ARID5A: variants seen among roughly 807,000 people sequenced by gnomAD.
ARID5A encodes AT-rich interaction domain 5A.
A neutral mutation model predicts 30.5 loss-of-function variants in ARID5A; 14 were observed. The ratio of observed to expected loss-of-function variants is 0.46; its 90% CI spans 0.30 to 0.72. The LOEUF is 0.72. ARID5A is among the 30% of genes least tolerant of loss of function. The probability of loss-of-function intolerance (pLI) is 0.07; values close to 1 mark genes in which losing one functional copy is unlikely to be tolerated. For synonymous variants in ARID5A, 338 were observed against 340.4 expected, an observed-to-expected ratio of 0.99 and a Z score of 0.08; for missense variants, 669 against 786.2, an observed-to-expected ratio of 0.85 and a Z score of 1.78.
At chr2:96,540,937 G>T (rs1048561463) in intron 1 of ARID5A, among the ~76,000 whole-genome samples, 2 of 151,988 alleles carry the variant, frequency 1.3e-5, no homozygotes, top group African/African-American at 4.8e-5. Context: ...TGGAGATGGG[G>T]TTTCACCATG....
In ARID5A at chr2:96,551,783, T is replaced by TC; in HGVS notation, c.1260dup (p.Met421HisfsTer18). 1 of 1,539,062 alleles carries TC rather than the reference T, an allele frequency of 6.5e-7. No individual in the cohort carries two copies. On this transcript the variant is annotated frameshift_variant, in exon 7 of 7. Coordinates refer to ENST00000357485, the MANE Select transcript of ARID5A (RefSeq NM_212481.3). LOFTEE classifies it low-confidence loss of function (END_TRUNC). The stretch of plus-strand genomic sequence containing the variant: ...CCCCAAGCCCAAAGCCTGCTGGGTG[T>TC]CCCCCATGGCCAAGGTCCCAGCCGA...
Position 96,552,068 on chromosome 2 carries a change from A to G in ARID5A, c.1540A>G (p.Thr514Ala). 6.3e-7 allele frequency: 1 copy of G among 1,580,764 alleles called. No individual in the cohort carries two copies. Among genetic ancestry groups the G allele is most frequent in the Non-Finnish European group, 8.6e-7 (1 of 1,163,190 alleles). ...GCACTGCCCGCTGAACTTCACTGGC[A>G]CCCCGGGCCCCTTGAAGGGCCAGGC... ...MLHCPLNFTG[T>A]PGPLKGQAAL... The change falls in exon 7 of 7, where the codon ACC (threonine) becomes GCC (alanine). Residue 514 changes from threonine to alanine, a missense_variant. Physicochemically the swap from Thr to Ala is moderately conservative, Grantham distance 58. This residue lies in a region of ARID5A where 548 missense variants were observed against 577.4 expected (regional missense o/e 0.95). Transcript: ENST00000357485.
Position 96,550,417 on chromosome 2 carries a change from A to G in ARID5A, c.410+132A>G. On this transcript the variant is annotated intron_variant, in intron 5 of 6. Coordinates refer to ENST00000357485, the MANE Select transcript of ARID5A (RefSeq NM_212481.3). The surrounding 1 kb of genome is among the most constrained non-coding windows in gnomAD (Gnocchi z 6.6). ...GCCGTCCTCAGAGCTGCGGGAGCCCAGGCTGGCTGGGCGCACTCACTGAGG... is the reference window on the plus strand; with the variant it reads ...GCCGTCCTCAGAGCTGCGGGAGCCCGGGCTGGCTGGGCGCACTCACTGAGG... The G allele has an allele frequency of 1.4e-6, 2 of 1,432,084 alleles. No homozygotes were observed. Among genetic ancestry groups the G allele is most frequent in the South Asian group, 1.5e-5 (1 of 67,518 alleles). The allele number at this position is 1,432,084 out of a possible 1,614,324, so 88.7% of individuals were successfully genotyped here.
Position 96,549,948 on chromosome 2 carries a change from A to G in ARID5A, c.312+143A>G. On this transcript the variant is annotated intron_variant, in intron 4 of 6. Transcript: ENST00000357485. The surrounding 1 kb of genome is among the most constrained non-coding windows in gnomAD (Gnocchi z 6.1). Reference sequence around the variant, plus strand: ...CTGCCTCCCTGCCTTCCCCGCTGGTACTCTGCTGCTCAAAGCAGCTTTTCA... The same window carrying G: ...CTGCCTCCCTGCCTTCCCCGCTGGTGCTCTGCTGCTCAAAGCAGCTTTTCA... 6.5e-7 allele frequency: 1 copy of G among 1,529,120 alleles called. No individual in the cohort carries two copies. The highest frequency in any genetic ancestry group is 8.8e-7 in the Non-Finnish European group (1 of 1,137,964). 94.7% of individuals were successfully genotyped at this position (1,529,120 alleles called of 1,614,324 possible). A position where few individuals can be genotyped will look rare whatever the true frequency, so the allele number is the denominator to read the frequency against.
At chr2:96,544,215 G>A (rs920259032) in intron 1 of ARID5A, among the ~76,000 whole-genome samples, 2 of 152,248 alleles carry the variant, frequency 1.3e-5, no homozygotes, top group Admixed American at 6.5e-5. Flanking sequence ...CAGGGCTGGT[G>A]TAGAAGCTGC....
chr2:96,546,415 G>A (rs888815468), intron 1 of ARID5A, among the ~76,000 whole-genome samples: 1 of 152,252 alleles, frequency 6.6e-6, no homozygotes, highest in Non-Finnish European at 1.5e-5. Flanking sequence ...CAGTGGCAGA[G>A]GTGTTGCGTT....
Position 96,550,452 on chromosome 2 carries a change from C to T in ARID5A, c.411-122C>T, listed in dbSNP as rs2066013444. On this transcript the variant is annotated intron_variant, in intron 5 of 6. Coordinates refer to ENST00000357485, the MANE Select transcript of ARID5A (RefSeq NM_212481.3). The surrounding 1 kb of genome is among the most constrained non-coding windows in gnomAD (Gnocchi z 6.6). The stretch of plus-strand genomic sequence containing the variant: ...GGCGCACTCACTGAGGGAGCTGAAG[C>T]TTTGGGACCAGGAGAGGGCCTTCCT... 16 of 1,443,922 alleles carry T rather than the reference C, an allele frequency of 1.1e-5. No homozygotes were observed. The highest frequency in any genetic ancestry group is 1.5e-5 in the Non-Finnish European group (16 of 1,097,472). 89.4% of individuals were successfully genotyped at this position (1,443,922 alleles called of 1,614,324 possible). A position where few individuals can be genotyped will look rare whatever the true frequency, so the allele number is the denominator to read the frequency against.
rs1455760088 is a variant in ARID5A, at chr2:96,551,469, C to T, written c.941C>T (p.Pro314Leu). The change falls in exon 7 of 7, where the codon CCT becomes CTT. Residue 314 changes from proline (P) to leucine (L), a missense_variant. By Grantham distance (98) the Pro-to-Leu change is moderately conservative. Coordinates refer to ENST00000357485, the MANE Select transcript of ARID5A (RefSeq NM_212481.3). The stretch of plus-strand genomic sequence containing the variant: ...GAGAACTCCAGGCACCGGCTGACCC[C>T]TCAGGAGGGATTGCAGGCCCCAGGT... ...LTENSRHRLT[P>L]QEGLQAPGGS... 6.3e-7 allele frequency: 1 copy of T among 1,589,416 alleles called. No individual in the cohort carries two copies.
In ARID5A at chr2:96,537,915, G is replaced by A. The variant is rs1357765984; in HGVS notation, c.4+1085G>A. 3.0e-6 allele frequency: 3 copies of A among 985,408 alleles called. No individual in the cohort carries two copies. Among genetic ancestry groups the A allele is most frequent in the South Asian group, 4.7e-5 (1 of 21,292 alleles). 61.0% of individuals were successfully genotyped at this position (985,408 alleles called of 1,614,324 possible). A position where few individuals can be genotyped will look rare whatever the true frequency, so the allele number is the denominator to read the frequency against. On this transcript the variant is annotated intron_variant, in intron 1 of 6. Coordinates refer to ENST00000357485, the MANE Select transcript of ARID5A (RefSeq NM_212481.3). The surrounding 1 kb of genome is among the most constrained non-coding windows in gnomAD (Gnocchi z 4.8). ...GTAAGGAGTGCTCCGCGGGCCCCAGGGGAGGACAACAGGTGCCTCTTGCCC... is the reference window on the plus strand; with the variant it reads ...GTAAGGAGTGCTCCGCGGGCCCCAGAGGAGGACAACAGGTGCCTCTTGCCC...
chr2:96,550,370 G>A lies in ARID5A; in HGVS notation c.410+85G>A. ...TTGCCGGGAGGGCCGGGTGGACTCT[G>A]CCCGGAGCGGGCAGGGTATGCGCCG... On this transcript the variant is annotated intron_variant, in intron 5 of 6. Transcript: ENST00000357485. The surrounding 1 kb of genome is among the most constrained non-coding windows in gnomAD (Gnocchi z 6.6). The A allele has an allele frequency of 8.4e-6, 12 of 1,428,174 alleles. No homozygotes were observed. The highest frequency in any genetic ancestry group is 1.1e-5 in the Non-Finnish European group (12 of 1,097,368). The allele number at this position is 1,428,174 out of a possible 1,614,324, so 88.5% of individuals were successfully genotyped here.
At chr2:96,543,474 T>A (rs148791097) in intron 1 of ARID5A, among the ~76,000 whole-genome samples, 197 of 152,178 alleles carry the variant, frequency 1.3e-3, no homozygotes, top group African/African-American at 4.7e-3. Flanking sequence ...TGTCACATTT[T>A]GGTGATTCTT....
In ARID5A at chr2:96,537,141, G is replaced by A. The variant is rs1453133396; in HGVS notation, c.4+311G>A. Among the ~76,000 whole-genome samples the A allele has an allele frequency of 6.6e-6, 1 of 152,198 alleles. No homozygotes were observed. The highest frequency in any genetic ancestry group is 1.5e-5 in the Non-Finnish European group (1 of 68,028). The stretch of plus-strand genomic sequence containing the variant: ...CTCGAAACTCTTTTCGCCGTCTCTT[G>A]CCTGAAATATGCCGAGCCCGGTACG... On this transcript the variant is annotated intron_variant, in intron 1 of 6. Transcript: ENST00000357485. This position sits in a 1 kb window ranked among gnomAD's most constrained non-coding sequence, Gnocchi z 4.8.
At position 96,549,091 on chromosome 2, in the gene ARID5A, C is replaced by A. The variant is rs890828897; in HGVS notation, c.121-230C>A. On this transcript the variant is annotated intron_variant, in intron 2 of 6. Transcript: ENST00000357485. This position sits in a 1 kb window ranked among gnomAD's most constrained non-coding sequence, Gnocchi z 6.1. ...AGCCAGCTGCTCTGGGGTACCCAGC[C>A]TCCGGGGAGGTCCTGGACTCTAGCT... Among the ~76,000 whole-genome samples, 12 of 152,184 alleles carry A rather than the reference C, an allele frequency of 7.9e-5. No individual in the cohort carries two copies. Among genetic ancestry groups the A allele is most frequent in the African/African-American group, 2.7e-4 (11 of 41,436 alleles).
In ARID5A at chr2:96,551,463, T is replaced by C. The variant is rs752120961; in HGVS notation, c.935T>C (p.Leu312Pro). Reference sequence around the variant, plus strand: ...CTGACTGAGAACTCCAGGCACCGGCTGACCCCTCAGGAGGGATTGCAGGCC... The same window carrying C: ...CTGACTGAGAACTCCAGGCACCGGCCGACCCCTCAGGAGGGATTGCAGGCC... ...KGLTENSRHR[L>P]TPQEGLQAPG... Residue 312 changes from leucine to proline, a missense_variant, in exon 7 of 7, where the codon CTG becomes CCG. By Grantham distance (98) the Leu-to-Pro change is moderately conservative. This residue lies in a region of ARID5A where 548 missense variants were observed against 577.4 expected (regional missense o/e 0.95). Transcript: ENST00000357485. The C allele has an allele frequency of 6.3e-7, 1 of 1,590,198 alleles. No individual in the cohort carries two copies. The highest frequency in any genetic ancestry group is 1.1e-5 in the South Asian group (1 of 88,784).
At chr2:96,538,016 G>A in intron 1 of ARID5A, 1 of 985,540 alleles carries the variant, frequency 1.0e-6, no homozygotes. Flanking sequence ...GAGCACAGGA[G>A]GGGTGGGAGG....
Position 96,552,612 on chromosome 2 carries a change from A to C in ARID5A, c.*299A>C. 3.5e-6 allele frequency: 5 copies of C among 1,435,678 alleles called. No individual in the cohort carries two copies. The highest frequency in any genetic ancestry group is 4.6e-6 in the Non-Finnish European group (5 of 1,091,318). The allele number at this position is 1,435,678 out of a possible 1,614,324, so 88.9% of individuals were successfully genotyped here. A position where few individuals can be genotyped will look rare whatever the true frequency, so the allele number is the denominator to read the frequency against. Reference sequence around the variant, plus strand: ...CCAGGTTGCCCACGGAAAATCCAATAAAAAGACACCAGTGTGAATCCACGT... The same window carrying C: ...CCAGGTTGCCCACGGAAAATCCAATCAAAAGACACCAGTGTGAATCCACGT... On this transcript the variant is annotated 3_prime_UTR_variant, in exon 7 of 7. Transcript: ENST00000357485.
rs140907364 is a variant in ARID5A at position 96,537,354 on chromosome 2, AAG to A, written c.4+525_4+526del. ...TTCCTCTGCGGCCGCCGTTTCCTGA[AAG>A]GGGCTGCGCGGGTGTGAAGAACTTG... On this transcript the variant is annotated intron_variant, in intron 1 of 6. Transcript: ENST00000357485. This position sits in a 1 kb window ranked among gnomAD's most constrained non-coding sequence, Gnocchi z 4.8. 36,651 of 152,618 alleles carry A rather than the reference AAG, an allele frequency of 0.24. 5,908 individuals carry two copies. Among genetic ancestry groups the A allele is most frequent in the South Asian group, 0.65 (3,126 of 4,824 alleles). The allele number at this position is 152,618 out of a possible 1,614,324, so 9.5% of individuals were successfully genotyped here. A position where few individuals can be genotyped will look rare whatever the true frequency, so the allele number is the denominator to read the frequency against.
At position 96,551,409 on chromosome 2, in the gene ARID5A, T is replaced by A. The variant is rs769586751; in HGVS notation, c.881T>A (p.Leu294His). Residue 294 changes from leucine to histidine, a missense_variant, in exon 7 of 7, where the codon CTC becomes CAC. Physicochemically the swap from Leu to His is moderately conservative, Grantham distance 99. Coordinates refer to ENST00000357485, the MANE Select transcript of ARID5A (RefSeq NM_212481.3). ...AEPQASPAVH[L>H]PESPQSPKGL... Reference sequence around the variant, plus strand: ...CCCCAGGCGTCCCCAGCTGTTCACCTCCCAGAGAGTCCCCAGAGCCCCAAA... The same window carrying A: ...CCCCAGGCGTCCCCAGCTGTTCACCACCCAGAGAGTCCCCAGAGCCCCAAA... 6.2e-7 allele frequency: 1 copy of A among 1,604,414 alleles called. No individual in the cohort carries two copies. The highest frequency in any genetic ancestry group is 1.1e-5 in the South Asian group (1 of 90,256).
intron 1 of ARID5A, among the ~76,000 whole-genome samples, chr2:96,544,527 C>G (rs773113442): frequency 6.6e-6 from 1 of 152,174 alleles, no homozygotes; most frequent in African/African-American, 2.4e-5. Flanking sequence ...AATAACAAAG[C>G]CTGGATGACA....
Sources: allele counts gnomAD v4.1 joint callset (sites outside exome capture counted in the v4.1 genomes callset), GRCh38; gene constraint gnomAD v4.1.1; regional missense constraint gnomAD v4.1.1; non-coding constraint Gnocchi (gnomAD v3.1); transcripts MANE v1.5; gene names NCBI Gene and HGNC (gene_info 2026-07-23, HGNC 2026-07-21).